Variants in MRPL1 observed in about 807,000 individuals in gnomAD.
MRPL1 encodes the protein mitochondrial ribosomal protein L1.
In MRPL1, 28 loss-of-function variants were observed where a neutral mutation model predicts 38.0. The observed-to-expected ratio is 0.74, with a 90% CI of 0.55 to 1.01. MRPL1 has a LOEUF of 1.01. Among genes scored for constraint, MRPL1 ranks in the 50% least tolerant of loss-of-function variants. The pLI, the probability that MRPL1 is intolerant of heterozygous loss-of-function variation, is 0.00. For missense variants in MRPL1, 358 were observed against 389.8 expected (o/e 0.92, Z 0.69); for synonymous variants, 123 against 126.7 (o/e 0.97, Z 0.20).
intron 7 of MRPL1, among the ~76,000 whole-genome samples, chr4:77,929,891 G>T (rs1403094614): frequency 2.0e-5 from 3 of 152,058 alleles, no homozygotes; most frequent in African/African-American, 7.2e-5. Context: ...AATACATAAT[G>T]TATAAACCTG....
intron 8 of MRPL1, among the ~76,000 whole-genome samples, chr4:77,950,352 T>C (rs573268004): frequency 6.6e-6 from 1 of 152,328 alleles, no homozygotes; most frequent in Admixed American, 6.5e-5. Context: ...AGGTGACTCA[T>C]AGAGAATCAC....
chr4:77,862,913 C>G lies in MRPL1; in HGVS notation c.31+34C>G, dbSNP rs757454720. ...AGGGGTTGTCTTGCAGGGGAAATGGCTCTGGCACCGAGTCTCTGGTTGCAG... is the reference window on the plus strand; with the variant it reads ...AGGGGTTGTCTTGCAGGGGAAATGGGTCTGGCACCGAGTCTCTGGTTGCAG... On this transcript the variant is annotated intron_variant, in intron 1 of 8. Transcript: ENST00000315567. 1.7e-5 allele frequency: 28 copies of G among 1,613,806 alleles called. 1 individual carries two copies. The South Asian group carries it at 2.6e-4, about 15-fold the overall frequency.
At chr4:77,936,712 C>T (rs951933767) in intron 7 of MRPL1, among the ~76,000 whole-genome samples, 1 of 152,136 alleles carries the variant, frequency 6.6e-6, no homozygotes, top group African/African-American at 2.4e-5. Flanking sequence ...AGAAAGTATG[C>T]CAAGTCCTGT....
chr4:77,896,401 T>C (rs1735915092), intron 6 of MRPL1, among the ~76,000 whole-genome samples: 1 of 152,162 alleles, frequency 6.6e-6, no homozygotes, highest in Admixed American at 6.6e-5. Context: ...ATGGACCTTT[T>C]CCCTTCTCTG....
intron 5 of MRPL1, among the ~76,000 whole-genome samples, chr4:77,891,365 AT>A (rs1178827466): frequency 9.4e-6 from 1 of 105,860 alleles, no homozygotes; most frequent in African/African-American, 3.7e-5. Context: ...TTTTTTTTTC[AT>A]TTTTTTTGAG....
intron 7 of MRPL1, among the ~76,000 whole-genome samples, chr4:77,925,445 G>T (rs1341246196): frequency 6.7e-6 from 1 of 150,308 alleles, no homozygotes; most frequent in Admixed American, 6.6e-5. Flanking sequence ...TCCACCTCCC[G>T]GGTTCACACC....
intron 5 of MRPL1, among the ~76,000 whole-genome samples, chr4:77,887,623 T>G (rs965099981): frequency 1.3e-5 from 2 of 152,110 alleles, no homozygotes; most frequent in Non-Finnish European, 2.9e-5. Context: ...ACTCCTGAGC[T>G]CAAGCAATCC....
In MRPL1 at chr4:77,871,815, A is replaced by T. The variant is rs1258470647; in HGVS notation, c.103A>T (p.Asn35Tyr). Residue 35 changes from asparagine to tyrosine, a missense_variant, in exon 2 of 9, where the codon AAC (asparagine) becomes TAC (tyrosine). Asn to Tyr is a moderately radical substitution (Grantham distance 143). Coordinates refer to ENST00000315567, the MANE Select transcript of MRPL1 (RefSeq NM_020236.4). ...YQTSLCSCSV[N>Y]IRVPNRHFAA... ...GACATCACTTTGTTCTTGTTCTGTA[A>T]ACATCCGAGTGCCCAACAGACATTT... 1.2e-6 allele frequency: 2 copies of T among 1,604,378 alleles called. No individual in the cohort carries two copies. Among genetic ancestry groups the T allele is most frequent in the South Asian group, 2.3e-5 (2 of 87,730 alleles).
In MRPL1 at chr4:77,949,648, A is replaced by G. The variant is rs545255911; in HGVS notation, c.778-149A>G. On this transcript the variant is annotated intron_variant, in intron 7 of 8. Coordinates refer to ENST00000315567, the MANE Select transcript of MRPL1 (RefSeq NM_020236.4). ...TGAAGACATGTAAATGTGGCATTCG[A>G]AACAAAGAGCTATAGAGGTTTTCCC... 2.8e-4 allele frequency: 131 copies of G among 461,230 alleles called. 1 individual carries two copies. The East Asian group carries it at 3.8e-3, about 13-fold the overall frequency. The allele number at this position is 461,230 out of a possible 1,614,324, so 28.6% of individuals were successfully genotyped here.
chr4:77,873,599 C>T (rs1334736311), intron 2 of MRPL1, among the ~76,000 whole-genome samples: 1 of 152,182 alleles, frequency 6.6e-6, no homozygotes, highest in African/African-American at 2.4e-5. Context: ...TAATATCAGA[C>T]AACTGTGCCT....
chr4:77,910,329 TTGCC>T (rs908435026), intron 7 of MRPL1, among the ~76,000 whole-genome samples: 1 of 152,182 alleles, frequency 6.6e-6, no homozygotes, highest in African/African-American at 2.4e-5. Flanking sequence ...TTCTTTCTCT[TTGCC>T]TTCCCATCTT....
At position 77,883,636 on chromosome 4, in the gene MRPL1, G is replaced by A. The variant is rs984386324; in HGVS notation, c.402+136G>A. ...CGTGTTGCCCAGGCTGGAGTGCGGT[G>A]GTATGATCTCAGCTCACTGCAGACT... On this transcript the variant is annotated intron_variant, in intron 3 of 8. Coordinates refer to ENST00000315567, the MANE Select transcript of MRPL1 (RefSeq NM_020236.4). 4 of 861,160 alleles carry A rather than the reference G, an allele frequency of 4.6e-6. No individual in the cohort carries two copies. In the African/African-American group the frequency reaches 6.9e-5, roughly 15 times the overall value. 53.3% of individuals were successfully genotyped at this position (861,160 alleles called of 1,614,324 possible). A position where few individuals can be genotyped will look rare whatever the true frequency, so the allele number is the denominator to read the frequency against.
At chr4:77,937,393 C>G (rs1032528267) in intron 7 of MRPL1, among the ~76,000 whole-genome samples, 1 of 152,186 alleles carries the variant, frequency 6.6e-6, no homozygotes, top group Non-Finnish European at 1.5e-5. Flanking sequence ...CAGGTTTGAT[C>G]TTAGAATACT....
At chr4:77,874,585 C>T (rs968747978) in intron 2 of MRPL1, among the ~76,000 whole-genome samples, 2 of 152,020 alleles carry the variant, frequency 1.3e-5, no homozygotes, top group African/African-American at 2.4e-5. Context: ...ACCAAATTGC[C>T]TTCATAGAAA....
intron 7 of MRPL1, among the ~76,000 whole-genome samples, chr4:77,921,472 T>C (rs1164788253): frequency 2.0e-5 from 3 of 152,106 alleles, no homozygotes; most frequent in Non-Finnish European, 4.4e-5. Flanking sequence ...TATGAAGATA[T>C]CTGAGAGAAA....
At chr4:77,895,302 A>G (rs189490969) in intron 6 of MRPL1, among the ~76,000 whole-genome samples, 1 of 152,256 alleles carries the variant, frequency 6.6e-6, no homozygotes, top group African/African-American at 2.4e-5. Context: ...ACGAGACTGG[A>G]GTGAAATGTA....
At chr4:77,932,939 A>T (rs1042327233) in intron 7 of MRPL1, among the ~76,000 whole-genome samples, 3 of 149,728 alleles carry the variant, frequency 2.0e-5, no homozygotes, top group Admixed American at 6.7e-5. Context: ...TTCCTTTTTT[A>T]AAAAAAAAGA....
intron 6 of MRPL1, among the ~76,000 whole-genome samples, chr4:77,902,143 T>TA (rs1736049952): frequency 6.6e-6 from 1 of 152,210 alleles, no homozygotes; most frequent in Non-Finnish European, 1.5e-5. Context: ...AACTGAATGA[T>TA]ACTGAAAACT....
intron 3 of MRPL1, among the ~76,000 whole-genome samples, chr4:77,884,137 T>G (rs1375540305): frequency 6.6e-6 from 1 of 152,022 alleles, no homozygotes; most frequent in Non-Finnish European, 1.5e-5. Flanking sequence ...GGTGGCATGT[T>G]TCTTCTCTGT....
Sources: allele counts gnomAD v4.1 joint callset (sites outside exome capture counted in the v4.1 genomes callset), GRCh38; gene constraint gnomAD v4.1.1; transcripts MANE v1.5; gene names NCBI Gene and HGNC (gene_info 2026-07-23, HGNC 2026-07-21).